CRMP1: variants seen among roughly 807,000 people sequenced by gnomAD.
CRMP1 encodes collapsin response mediator protein 1.
Under a neutral mutation model 68.3 loss-of-function variants are expected in CRMP1, and 19 were observed. The observed-to-expected ratio is 0.28, with a 90% CI of 0.19 to 0.41. The LOEUF is 0.41. Among genes scored for constraint, CRMP1 ranks in the 10% least tolerant of loss-of-function variants. The probability of loss-of-function intolerance (pLI) is 1.00; values close to 1 mark genes in which losing one functional copy is unlikely to be tolerated. For missense variants in CRMP1, 791 were observed against 967.4 expected, an observed-to-expected ratio of 0.82 and a Z score of 2.42; for synonymous variants, 439 against 399.6, an observed-to-expected ratio of 1.10 and a Z score of -1.18.
rs562985253 is a variant in CRMP1, at chr4:5,850,253, G to A, written c.883-781C>T. 6.6e-6 allele frequency among the ~76,000 whole-genome samples: 1 copy of A among 152,330 alleles called. No individual in the cohort carries two copies. The highest frequency in any genetic ancestry group is 1.9e-4 in the East Asian group (1 of 5,166). On this transcript the variant is annotated intron_variant, in intron 5 of 13. Transcript: ENST00000324989. The surrounding 1 kb of genome is among the most constrained non-coding windows in gnomAD (Gnocchi z 4.4). ...TCAGCAAATAGGGAAGGCATGTGGAGGCATGAAGCACTTTTGAGAACCTGC... is the reference window on the plus strand; with the variant it reads ...TCAGCAAATAGGGAAGGCATGTGGAAGCATGAAGCACTTTTGAGAACCTGC...
At chr4:5,876,595 T>G (rs557377326) in intron 1 of CRMP1, among the ~76,000 whole-genome samples, 1 of 152,192 alleles carries the variant, frequency 6.6e-6, no homozygotes, top group Non-Finnish European at 1.5e-5. Flanking sequence ...AAGCATTGAA[T>G]GCAGGGGGAA....
At chr4:5,868,895 G>A (rs1185234744) in intron 1 of CRMP1, among the ~76,000 whole-genome samples, 3 of 152,092 alleles carry the variant, frequency 2.0e-5, no homozygotes, top group Non-Finnish European at 4.4e-5. Flanking sequence ...CCCATTCTTT[G>A]CACGAAAACA....
Position 5,877,404 on chromosome 4 carries a change from T to C in CRMP1, c.382-10648A>G, listed in dbSNP as rs3774888. Among the ~76,000 whole-genome samples the C allele has an allele frequency of 5.5e-4, 84 of 152,326 alleles. No individual in the cohort carries two copies. In the East Asian group the frequency reaches 0.014, roughly 26 times the overall value. On this transcript the variant is annotated intron_variant, in intron 1 of 13. Transcript: ENST00000324989. This position sits in a 1 kb window ranked among gnomAD's most constrained non-coding sequence, Gnocchi z 4.3. ...CGTCAAACTTCCATGACTTGGTCCC[T>C]ACCTTGAATAACCAGAGCCTTCCCC...
At chr4:5,863,666 T>G (rs919274859) in intron 2 of CRMP1, among the ~76,000 whole-genome samples, 1 of 152,060 alleles carries the variant, frequency 6.6e-6, no homozygotes, top group Non-Finnish European at 1.5e-5. Flanking sequence ...CCACCGGCAC[T>G]AGATTCACCA....
Position 5,839,504 on chromosome 4 carries a change from C to T in CRMP1, c.1310+18G>A, listed in dbSNP as rs73061898. The T allele has an allele frequency of 1.4e-3, 2,258 of 1,595,808 alleles. 28 individuals carry two copies. In the African/African-American group the frequency reaches 0.025, roughly 18 times the overall value. ...GCCCCAGCTGCCTCCCCCAGCCCCA[C>T]GTTCTCACAGGTCTCACCAGGCCAG... On this transcript the variant is annotated intron_variant, in intron 9 of 13. Coordinates refer to ENST00000324989, the MANE Select transcript of CRMP1 (RefSeq NM_001014809.3).
At chr4:5,878,273 A>C (rs546105184) in intron 1 of CRMP1, among the ~76,000 whole-genome samples, 25 of 151,904 alleles carry the variant, frequency 1.6e-4, no homozygotes, top group Non-Finnish European at 2.9e-4. Context: ...TGTTCTCTTC[A>C]GTGTACCTAG....
chr4:5,851,960 GA>G (rs1712686549), intron 4 of CRMP1, among the ~76,000 whole-genome samples: 1 of 16,406 alleles, frequency 6.1e-5, no homozygotes, highest in African/African-American at 1.2e-4. Flanking sequence ...GGAGAAGAAG[GA>G]GGAAGAGGAA....
chr4:5,841,495 T>G lies in CRMP1; in HGVS notation c.1033-67A>C, dbSNP rs1460358858. On this transcript the variant is annotated intron_variant, in intron 7 of 13. Coordinates refer to ENST00000324989, the MANE Select transcript of CRMP1 (RefSeq NM_001014809.3). The surrounding 1 kb of genome is among the most constrained non-coding windows in gnomAD (Gnocchi z 6.9). ...GTAACAGCTACCACCCATCTCCATT[T>G]TCCTTAATTGAATGTGATCAGAAGG... 3.8e-6 allele frequency: 6 copies of G among 1,597,270 alleles called. No homozygotes were observed. Among genetic ancestry groups the G allele is most frequent in the East Asian group, 2.2e-5 (1 of 44,638 alleles).
At chr4:5,844,357 G>C (rs1449620136) in intron 6 of CRMP1, among the ~76,000 whole-genome samples, 1 of 150,948 alleles carries the variant, frequency 6.6e-6, no homozygotes, top group Non-Finnish European at 1.5e-5. Flanking sequence ...AGGAGGGGGA[G>C]GGCAGGGGAG....
In CRMP1 at chr4:5,823,360, T is replaced by C. The variant is rs543873415; in HGVS notation, c.1970-1509A>G. ...ACAAGTCTCCCCTAAAGGCCTGGAA[T>C]CAGGCCTAGCACTTAGTAACTTTTT... On this transcript the variant is annotated intron_variant, in intron 13 of 13. Transcript: ENST00000324989. 4.6e-5 allele frequency among the ~76,000 whole-genome samples: 7 copies of C among 152,364 alleles called. No homozygotes were observed. The South Asian group carries it at 1.4e-3, about 32-fold the overall frequency.
At chr4:5,876,353 T>C (rs530265854) in intron 1 of CRMP1, among the ~76,000 whole-genome samples, 4 of 152,002 alleles carry the variant, frequency 2.6e-5, no homozygotes, top group African/African-American at 4.8e-5. Flanking sequence ...TGGCCCCCAC[T>C]AGAGCAGTCA....
intron 2 of CRMP1, among the ~76,000 whole-genome samples, chr4:5,864,277 C>A (rs61603771): frequency 6.6e-6 from 1 of 152,130 alleles, no homozygotes; most frequent in Non-Finnish European, 1.5e-5. Context: ...GGGGAGCCCA[C>A]GAGATCATTC....
Position 5,843,236 on chromosome 4 carries a change from G to A in CRMP1, c.964-75C>T. ...GAGAAGTGACTCCTCCAACCCCCTG[G>A]TTAGACAGAGGGGGCAGCTGGGTCC... On this transcript the variant is annotated intron_variant, in intron 6 of 13. Transcript: ENST00000324989. The surrounding 1 kb of genome is among the most constrained non-coding windows in gnomAD (Gnocchi z 4.1). 1.3e-6 allele frequency: 2 copies of A among 1,485,346 alleles called. No homozygotes were observed. The highest frequency in any genetic ancestry group is 2.3e-5 in the East Asian group (1 of 44,232). The allele number at this position is 1,485,346 out of a possible 1,614,324, so 92.0% of individuals were successfully genotyped here.
chr4:5,875,305 T>A (rs1408280882), intron 1 of CRMP1, among the ~76,000 whole-genome samples: 1 of 151,904 alleles, frequency 6.6e-6, no homozygotes, highest in Admixed American at 6.6e-5. Context: ...CCGGGTTCTG[T>A]TCTCCCTCCT....
At position 5,821,843 on chromosome 4, in the gene CRMP1, T is replaced by G. The variant is rs146955659; in HGVS notation, c.1978A>C (p.Ile660Leu). Residue 660 changes from isoleucine (I) to leucine (L), a missense_variant, in exon 14 of 14, where the codon ATA (isoleucine) becomes CTA (leucine). Coordinates refer to ENST00000324989, the MANE Select transcript of CRMP1 (RefSeq NM_001014809.3). The surrounding 1 kb of genome is among the most constrained non-coding windows in gnomAD (Gnocchi z 4.4). Reference protein sequence around the residue: ...QSNFSLSGAQIDDNNPRRTGH... With the variant: ...QSNFSLSGAQLDDNNPRRTGH... ...GTGCGCCTGGGATTGTTGTCATCTA[T>G]CTGGGCACCTGAAAGAGAGCGCCAA... The G allele has an allele frequency of 1.2e-3, 1,863 of 1,584,824 alleles. 3 individuals carry two copies. Among genetic ancestry groups the G allele is most frequent in the Non-Finnish European group, 1.4e-3 (1,683 of 1,169,000 alleles).
In CRMP1 at chr4:5,859,047, A is replaced by G. The variant is rs1055406488; in HGVS notation, c.655+1979T>C. 6.7e-6 allele frequency among the ~76,000 whole-genome samples: 1 copy of G among 150,266 alleles called. No individual in the cohort carries two copies. The highest frequency in any genetic ancestry group is 2.5e-5 in the African/African-American group (1 of 40,518). On this transcript the variant is annotated intron_variant, in intron 3 of 13. Transcript: ENST00000324989. This position sits in a 1 kb window ranked among gnomAD's most constrained non-coding sequence, Gnocchi z 5.2. ...TGCCCCTCAGTTCAAAGCACTGTGTACCCTTCTTTTGTAGCAGGAGTCACA... is the reference window on the plus strand; with the variant it reads ...TGCCCCTCAGTTCAAAGCACTGTGTGCCCTTCTTTTGTAGCAGGAGTCACA...
chr4:5,824,904 G>C (rs1200757079), intron 13 of CRMP1: 6 of 985,286 alleles, frequency 6.1e-6, no homozygotes, highest in Non-Finnish European at 6.0e-6. Context: ...AAGAAAGTCA[G>C]GAGGGATCAG....
chr4:5,878,645 A>G (rs1337340907), intron 1 of CRMP1, among the ~76,000 whole-genome samples: 1 of 152,208 alleles, frequency 6.6e-6, no homozygotes, highest in African/African-American at 2.4e-5. Flanking sequence ...ATATGGGTGC[A>G]GAGGGCAGAC....
rs181924787 is a variant in CRMP1, at chr4:5,869,587, G to A, written c.382-2831C>T. 1.1e-3 allele frequency among the ~76,000 whole-genome samples: 165 copies of A among 151,494 alleles called. 1 individual carries two copies. Among genetic ancestry groups the A allele is most frequent in the Non-Finnish European group, 2.0e-3 (134 of 67,950 alleles). On this transcript the variant is annotated intron_variant, in intron 1 of 13. Coordinates refer to ENST00000324989, the MANE Select transcript of CRMP1 (RefSeq NM_001014809.3). ...TAGTCCCAGCTACTCAGGAGGCTGA[G>A]GCAGGAGAATGTCATGAACCCGGAA...
Sources: allele counts gnomAD v4.1 joint callset (sites outside exome capture counted in the v4.1 genomes callset), GRCh38; gene constraint gnomAD v4.1.1; non-coding constraint Gnocchi (gnomAD v3.1); transcripts MANE v1.5; gene names NCBI Gene and HGNC (gene_info 2026-07-23, HGNC 2026-07-21).